IQGAP2: variants seen among roughly 807,000 people sequenced by gnomAD.
IQGAP2 encodes ras GTPase-activating-like protein IQGAP2.
IQGAP2 carries 173 observed loss-of-function variants against 201.3 expected under a neutral mutation model. The observed-to-expected ratio is 0.86, with a 90% confidence interval of 0.76 to 0.98. The LOEUF (loss-of-function observed/expected upper bound fraction) is 0.98. IQGAP2 is among the 50% of genes least tolerant of loss of function. IQGAP2 has a pLI of 0.00. For synonymous variants in IQGAP2, 675 were observed against 673.9 expected, an observed-to-expected ratio of 1.00 and a Z score of -0.03; for missense variants, 1,687 against 1,864.8, an observed-to-expected ratio of 0.90 and a Z score of 1.76.
In IQGAP2 at chr5:76,494,355, G is replaced by T. The variant is rs189444830; in HGVS notation, c.146+32686G>T. Among the ~76,000 whole-genome samples, 19 of 152,320 alleles carry T rather than the reference G, an allele frequency of 1.2e-4. No homozygotes were observed. The East Asian group carries it at 3.5e-3, about 28-fold the overall frequency. ...ACATATTAGAAACGATTTGTAATCT[G>T]CAAGGCTAAAGTGGAGGATAAAAAT... On this transcript the variant is annotated intron_variant, in intron 2 of 35. Coordinates refer to ENST00000274364, the MANE Select transcript of IQGAP2 (RefSeq NM_006633.5).
chr5:76,707,598 G>A lies in IQGAP2; in HGVS notation c.*285G>A, dbSNP rs74508809. 1 of 250,480 alleles carries A rather than the reference G, an allele frequency of 4.0e-6. No individual in the cohort carries two copies. The highest frequency in any genetic ancestry group is 7.5e-6 in the Non-Finnish European group (1 of 132,856). The allele number at this position is 250,480 out of a possible 1,614,324, so 15.5% of individuals were successfully genotyped here. A position where few individuals can be genotyped will look rare whatever the true frequency, so the allele number is the denominator to read the frequency against. ...ATCCTGTGATCTGTTTTAAAGTTGGGGGGTGGGAAATTTAGCTGACTAGGG... is the reference window on the plus strand; with the variant it reads ...ATCCTGTGATCTGTTTTAAAGTTGGAGGGTGGGAAATTTAGCTGACTAGGG... On this transcript the variant is annotated 3_prime_UTR_variant, in exon 36 of 36. Transcript: ENST00000274364.
chr5:76,466,465 G>A (rs751191214), intron 2 of IQGAP2, among the ~76,000 whole-genome samples: 3 of 152,200 alleles, frequency 2.0e-5, no homozygotes, highest in Non-Finnish European at 2.9e-5. Flanking sequence ...AAAGCCCACA[G>A]TAATTGAGAC....
At chr5:76,417,423 G>A (rs1335342725) in intron 1 of IQGAP2, among the ~76,000 whole-genome samples, 2 of 152,040 alleles carry the variant, frequency 1.3e-5, no homozygotes, top group Non-Finnish European at 2.9e-5. Context: ...CTGAGTAGCC[G>A]AGGTTACAGG....
chr5:76,474,609 C>T (rs1755302870), intron 2 of IQGAP2, among the ~76,000 whole-genome samples: 1 of 152,132 alleles, frequency 6.6e-6, no homozygotes, highest in Non-Finnish European at 1.5e-5. Flanking sequence ...ATTTGTAATA[C>T]ACAGCTTTTC....
At chr5:76,702,745 A>T (rs1747521552) in intron 35 of IQGAP2, among the ~76,000 whole-genome samples, 155 bp downstream of exon 35, 1 of 152,220 alleles carries the variant, frequency 6.6e-6, no homozygotes, top group Admixed American at 6.5e-5. Flanking sequence ...GATGATTTTT[A>T]AGAGCTGTGA....
chr5:76,610,841 T>C (rs1197640113), intron 12 of IQGAP2, among the ~76,000 whole-genome samples, 179 bp from the exon 13 acceptor site: 1 of 152,220 alleles, frequency 6.6e-6, no homozygotes, highest in African/African-American at 2.4e-5. Context: ...ATTGAATGTG[T>C]TCTTAATTTT....
chr5:76,403,615 T>C lies in IQGAP2; in HGVS notation c.46+24T>C. On this transcript the variant is annotated intron_variant, in intron 1 of 35. Coordinates refer to ENST00000274364, the MANE Select transcript of IQGAP2 (RefSeq NM_006633.5). This position sits in a 1 kb window ranked among gnomAD's most constrained non-coding sequence, Gnocchi z 4.8. ...CTGTAAGTGCGCCGGGCGCGCGGGGTTCCTGCTGGCCTTGGGGAGCTCCCT... is the reference window on the plus strand; with the variant it reads ...CTGTAAGTGCGCCGGGCGCGCGGGGCTCCTGCTGGCCTTGGGGAGCTCCCT... The C allele has an allele frequency of 6.6e-7, 1 of 1,504,330 alleles. No individual in the cohort carries two copies. The highest frequency in any genetic ancestry group is 8.9e-7 in the Non-Finnish European group (1 of 1,128,232). The allele number at this position is 1,504,330 out of a possible 1,614,324, so 93.2% of individuals were successfully genotyped here.
chr5:76,554,174 T>C (rs982594465), intron 2 of IQGAP2, among the ~76,000 whole-genome samples: 5 of 152,084 alleles, frequency 3.3e-5, no homozygotes, highest in African/African-American at 1.2e-4. Context: ...GAAGTTAGAC[T>C]CTCACCTCAC....
chr5:76,634,676 G>A (rs149672447), intron 15 of IQGAP2, among the ~76,000 whole-genome samples: 1,918 of 152,246 alleles, frequency 0.013, 143 homozygotes, highest in Admixed American at 0.11. Context: ...TTGTTTTCAG[G>A]CACGCACAGG....
intron 1 of IQGAP2, among the ~76,000 whole-genome samples, chr5:76,436,477 A>ATAT (rs1472466433): frequency 1.6e-4 from 1 of 6,436 alleles, no homozygotes; most frequent in Non-Finnish European, 2.9e-4. Context: ...TGAGATGATC[A>ATAT]TATATATATA....
intron 5 of IQGAP2, among the ~76,000 whole-genome samples, chr5:76,585,286 A>G (rs1012497205): frequency 6.6e-6 from 1 of 152,202 alleles, no homozygotes; most frequent in African/African-American, 2.4e-5. Flanking sequence ...TACTTGAAAT[A>G]AGTATAAAAT....
chr5:76,525,989 T>G (rs564114992), intron 2 of IQGAP2, among the ~76,000 whole-genome samples: 2 of 152,192 alleles, frequency 1.3e-5, no homozygotes, highest in African/African-American at 4.8e-5. Context: ...AAATGCTAAA[T>G]TGTAGAGGCT....
intron 2 of IQGAP2, among the ~76,000 whole-genome samples, chr5:76,555,783 C>T (rs531005012): frequency 7.0e-4 from 107 of 152,252 alleles, no homozygotes. Context: ...GATGGAAGTT[C>T]TTCTACCTTC....
intron 13 of IQGAP2, chr5:76,618,311 G>A (rs769990746): frequency 1.2e-6 from 2 of 1,614,240 alleles, no homozygotes; most frequent in South Asian, 2.2e-5. Context: ...CCAGGTTGGT[G>A]TAGAATACAG....
intron 2 of IQGAP2, among the ~76,000 whole-genome samples, chr5:76,555,655 G>T (rs1271254158): frequency 1.3e-5 from 2 of 152,220 alleles, no homozygotes; most frequent in Non-Finnish European, 2.9e-5. Context: ...AGGTTCAGTA[G>T]TGTAGGCTGG....
chr5:76,431,532 A>T (rs959610199), intron 1 of IQGAP2, among the ~76,000 whole-genome samples: 2 of 152,130 alleles, frequency 1.3e-5, no homozygotes, highest in African/African-American at 4.8e-5. Context: ...AAATTTAAGA[A>T]TGCCAGTCTT....
At chr5:76,420,477 G>A (rs1751670690) in intron 1 of IQGAP2, among the ~76,000 whole-genome samples, 1 of 151,000 alleles carries the variant, frequency 6.6e-6, no homozygotes, top group Non-Finnish European at 1.5e-5. Flanking sequence ...CCGGGTTCAA[G>A]TGATTCTCCT....
chr5:76,706,547 C>T (rs1268811632), intron 35 of IQGAP2, among the ~76,000 whole-genome samples: 2 of 152,006 alleles, frequency 1.3e-5, no homozygotes, highest in Non-Finnish European at 2.9e-5. Context: ...GGGGTTTCGC[C>T]ATGTTGGCCA....
At chr5:76,704,926 A>G (rs1433506468) in intron 35 of IQGAP2, among the ~76,000 whole-genome samples, 2 of 152,172 alleles carry the variant, frequency 1.3e-5, no homozygotes, top group Non-Finnish European at 2.9e-5. Flanking sequence ...TTACAGCTCT[A>G]TGTCTCTTGG....
Sources: allele counts gnomAD v4.1 joint callset (sites outside exome capture counted in the v4.1 genomes callset), GRCh38; gene constraint gnomAD v4.1.1; non-coding constraint Gnocchi (gnomAD v3.1); transcripts MANE v1.5; gene names NCBI Gene and HGNC (gene_info 2026-07-23, HGNC 2026-07-21).